PRR16: variants seen among roughly 807,000 people sequenced by gnomAD.
PRR16 encodes the protein proline rich 16.
PRR16 carries 6 observed loss-of-function variants against 18.2 expected under a neutral mutation model. The observed-to-expected ratio is 0.33, with a 90% CI of 0.18 to 0.65. The LOEUF (loss-of-function observed/expected upper bound fraction) is 0.65, where lower values mean the gene tolerates loss of function less well. Among genes scored for constraint, PRR16 ranks in the 30% least tolerant of loss-of-function variants. The pLI, the probability that PRR16 is intolerant of heterozygous loss-of-function variation, is 0.74. For synonymous variants in PRR16, 151 were observed against 147.8 expected, an observed-to-expected ratio of 1.02 and a Z score of -0.16; for missense variants, 412 against 376.6, an observed-to-expected ratio of 1.09 and a Z score of -0.78.
At chr5:120,786,330 T>G in the PRR16 span, among the ~76,000 whole-genome samples, 434 of 151,934 alleles carry the variant, frequency 2.9e-3, 7 homozygotes, top group African/African-American at 9.7e-3. Context: ...GCCATATTAC[T>G]AGACAACATT....
chr5:120,650,597 C>G (rs182581166), intron 1 of PRR16, among the ~76,000 whole-genome samples: 2 of 150,850 alleles, frequency 1.3e-5, no homozygotes, highest in African/African-American at 4.9e-5. Flanking sequence ...TTTGTCCTTG[C>G]GATAGTTTGC....
At chr5:120,787,163 A>G in the PRR16 span, among the ~76,000 whole-genome samples, 1 of 152,170 alleles carries the variant, frequency 6.6e-6, no homozygotes, top group Non-Finnish European at 1.5e-5. Flanking sequence ...TTTAACTTGT[A>G]TAACAGTGAT....
chr5:120,749,597 G>C, the PRR16 span, among the ~76,000 whole-genome samples: 399 of 152,104 alleles, frequency 2.6e-3, 4 homozygotes, highest in African/African-American at 9.4e-3. Context: ...TTCTCAATAG[G>C]CATTTTCAAT....
chr5:120,689,587 A>G (rs755656969), downstream of PRR16, among the ~76,000 whole-genome samples: 4 of 152,214 alleles, frequency 2.6e-5, no homozygotes, highest in Non-Finnish European at 4.4e-5. Context: ...CATAGCGTTT[A>G]TCACAGAGCC....
At chr5:120,497,165 A>T (rs72788221) in intron 1 of PRR16, among the ~76,000 whole-genome samples, 3,505 of 152,220 alleles carry the variant, frequency 0.023, 49 homozygotes, top group South Asian at 0.035. Flanking sequence ...ACTTAAGAAG[A>T]ATGTGCATTC....
At chr5:120,668,367 T>C (rs1183255405) in intron 1 of PRR16, among the ~76,000 whole-genome samples, 2 of 150,076 alleles carry the variant, frequency 1.3e-5, no homozygotes, top group Non-Finnish European at 3.0e-5. Context: ...TGAGATGGGT[T>C]TCCTGAATAC....
chr5:120,645,475 T>C (rs576561357), intron 1 of PRR16, among the ~76,000 whole-genome samples: 21 of 149,124 alleles, frequency 1.4e-4, no homozygotes, highest in African/African-American at 5.2e-4. Flanking sequence ...ACTACTATTT[T>C]TGATCAGCTA....
chr5:120,748,792 C>T, the PRR16 span, among the ~76,000 whole-genome samples: 1 of 152,016 alleles, frequency 6.6e-6, no homozygotes, highest in African/African-American at 2.4e-5. Flanking sequence ...TGAAAGAAGG[C>T]TCATTGTGGA....
chr5:120,743,755 G>A, the PRR16 span, among the ~76,000 whole-genome samples: 4 of 151,972 alleles, frequency 2.6e-5, no homozygotes, highest in African/African-American at 9.7e-5. Context: ...TGCTCTTTCA[G>A]GGACTCCAGT....
the PRR16 span, chr5:120,790,255 T>C: frequency 2.0e-5 from 3 of 152,192 alleles, no homozygotes; most frequent in Non-Finnish European, 2.9e-5. Flanking sequence ...GAAAGGACTA[T>C]CAAGAAGCCA....
At chr5:120,734,385 GT>G in the PRR16 span, among the ~76,000 whole-genome samples, 5 of 152,236 alleles carry the variant, frequency 3.3e-5, no homozygotes, top group African/African-American at 1.2e-4. Flanking sequence ...ATTCGTTACA[GT>G]TTTTCTCATT....
chr5:120,733,390 T>TCCTC, the PRR16 span, among the ~76,000 whole-genome samples: 1 of 152,152 alleles, frequency 6.6e-6, no homozygotes, highest in Admixed American at 6.6e-5. Context: ...CCTCAAGAAA[T>TCCTC]CCTCCCACTT....
At chr5:120,631,292 A>G (rs529929841) in intron 1 of PRR16, among the ~76,000 whole-genome samples, 1 of 152,264 alleles carries the variant, frequency 6.6e-6, no homozygotes, top group Admixed American at 6.5e-5. Context: ...GAACTTTTGC[A>G]CCAAGAACTA....
the PRR16 span, among the ~76,000 whole-genome samples, chr5:120,697,812 G>A: frequency 6.6e-6 from 1 of 152,126 alleles, no homozygotes; most frequent in Non-Finnish European, 1.5e-5. Context: ...CTTTCACAAG[G>A]TAATGTCATC....
chr5:120,771,541 A>G, the PRR16 span, among the ~76,000 whole-genome samples: 1 of 152,092 alleles, frequency 6.6e-6, no homozygotes, highest in African/African-American at 2.4e-5. Context: ...ACCTAATTCA[A>G]TCTCAAAACT....
chr5:120,570,418 AG>A (rs1752869972), intron 1 of PRR16, among the ~76,000 whole-genome samples: 1 of 152,192 alleles, frequency 6.6e-6, no homozygotes, highest in Non-Finnish European at 1.5e-5. Context: ...TGCCCTGCAC[AG>A]GTTGATATGT....
the PRR16 span, among the ~76,000 whole-genome samples, chr5:120,784,403 C>T: frequency 6.6e-6 from 1 of 152,146 alleles, no homozygotes. Context: ...CCATTTTTAA[C>T]TGGAGTGAAA....
At chr5:120,586,002 G>T (rs546210923) in intron 1 of PRR16, among the ~76,000 whole-genome samples, 1 of 151,988 alleles carries the variant, frequency 6.6e-6, no homozygotes, top group African/African-American at 2.4e-5. Flanking sequence ...GGTGATCCCT[G>T]TCTCTACTAA....
chr5:120,563,240 A>G (rs954988238), intron 1 of PRR16, among the ~76,000 whole-genome samples: 2 of 152,176 alleles, frequency 1.3e-5, no homozygotes, highest in South Asian at 2.1e-4. Context: ...TGTAACCACT[A>G]TCTGCTACTA....
Sources: allele counts gnomAD v4.1 joint callset (sites outside exome capture counted in the v4.1 genomes callset), GRCh38; gene constraint gnomAD v4.1.1; transcripts MANE v1.5; gene names NCBI Gene and HGNC (gene_info 2026-07-23, HGNC 2026-07-21).